The following DENND4C variants were observed in gnomAD, a reference collection of about 807,000 sequenced individuals.
DENND4C encodes the protein DENN domain containing 4C.
A neutral mutation model predicts 203.0 loss-of-function variants in DENND4C; 108 were observed. The observed-to-expected ratio is 0.53, with a 90% CI of 0.46 to 0.62. The LOEUF (loss-of-function observed/expected upper bound fraction) is 0.62. DENND4C is among the 20% of genes least tolerant of loss of function. DENND4C has a pLI of 0.00. For synonymous variants in DENND4C, 871 were observed against 792.4 expected (o/e 1.10, Z -1.67); for missense variants, 2,481 against 2,301.2 (o/e 1.08, Z -1.60).
At chr9:19,231,221 T>C (rs547768174) in intron 1 of DENND4C, among the ~76,000 whole-genome samples, 5 of 152,186 alleles carry the variant, frequency 3.3e-5, no homozygotes, top group Non-Finnish European at 7.4e-5. Context: ...GGATCGGGGC[T>C]TCCCAGAGGG....
intron 5 of DENND4C, among the ~76,000 whole-genome samples, chr9:19,293,577 G>A (rs1290883334): frequency 6.6e-6 from 1 of 152,228 alleles, no homozygotes; most frequent in Non-Finnish European, 1.5e-5. Flanking sequence ...GGTAAGGATT[G>A]ATTGCTGGGA....
At chr9:19,326,795 G>A (rs1466475936) in intron 15 of DENND4C, among the ~76,000 whole-genome samples, 1 of 152,054 alleles carries the variant, frequency 6.6e-6, no homozygotes, top group Non-Finnish European at 1.5e-5. Flanking sequence ...AGTTCATCAG[G>A]TAGATTCTCT....
intron 23 of DENND4C, among the ~76,000 whole-genome samples, chr9:19,349,305 A>T (rs1823578977): frequency 6.6e-6 from 1 of 152,110 alleles, no homozygotes; most frequent in South Asian, 2.1e-4. Flanking sequence ...CTACTCCAGA[A>T]GGTGAGGTGG....
At chr9:19,279,783 C>T (rs10757047) in intron 2 of DENND4C, among the ~76,000 whole-genome samples, 73,151 of 151,766 alleles carry the variant, frequency 0.48, 18,393 homozygotes, top group South Asian at 0.65. Flanking sequence ...GGAGTGGCTC[C>T]GATTGTGCCA....
At chr9:19,355,631 TC>T (rs1212618864) in intron 26 of DENND4C, among the ~76,000 whole-genome samples, 3 of 152,200 alleles carry the variant, frequency 2.0e-5, no homozygotes, top group Admixed American at 2.0e-4. Flanking sequence ...TTGCTGTTTT[TC>T]TTAATGCCAT....
chr9:19,372,204 G>T lies in DENND4C; in HGVS notation c.*31G>T. 6.3e-7 allele frequency: 1 copy of T among 1,582,970 alleles called. No individual in the cohort carries two copies. Among genetic ancestry groups the T allele is most frequent in the Non-Finnish European group, 8.6e-7 (1 of 1,165,962 alleles). Reference sequence around the variant, plus strand: ...GATTCACTAGAATGTTGACACACAAGGCTTGGGGATTAGATTTCATCTGGA... The same window carrying T: ...GATTCACTAGAATGTTGACACACAATGCTTGGGGATTAGATTTCATCTGGA... On this transcript the variant is annotated 3_prime_UTR_variant, in exon 33 of 33. Transcript: ENST00000434457.
In DENND4C at chr9:19,360,248, C is replaced by T; in HGVS notation, c.5165C>T (p.Pro1722Leu). ...TCTTTTTGTATTTTTTTTAAGGATC[C>T]TTTAGGAAAAAGACCCAATCCTCCC... ...LPNSLQEVVD[P>L]LGKRPNPPPV... Residue 1722 changes from proline (P) to leucine (L), a missense_variant, in exon 29 of 33, where the codon CCT (proline) becomes CTT (leucine). Pro to Leu is a moderately conservative substitution (Grantham distance 98). Transcript: ENST00000434457. 6.2e-7 allele frequency: 1 copy of T among 1,610,634 alleles called. No individual in the cohort carries two copies. Among genetic ancestry groups the T allele is most frequent in the Non-Finnish European group, 8.5e-7 (1 of 1,179,044 alleles).
rs201975061 is a variant in DENND4C, at chr9:19,319,164, C to CA, written c.1807+2336dup. Among the ~76,000 whole-genome samples the CA allele has an allele frequency of 3.2e-3, 390 of 121,658 alleles. 2 individuals carry two copies. The highest frequency in any genetic ancestry group is 0.015 in the East Asian group (64 of 4,332). 79.8% of individuals were successfully genotyped at this position (121,658 alleles called of 152,430 possible). ...GGGCAACAAGAGTGAAACTTCATCT[C>CA]AAAAAAAAAAATATATGTATATATA... On this transcript the variant is annotated intron_variant, in intron 12 of 32. Transcript: ENST00000434457.
Position 19,346,364 on chromosome 9 carries a change from A to T in DENND4C, c.3595A>T (p.Thr1199Ser). Reference sequence around the variant, plus strand: ...TGTGGTTGATGACGTACCTAAAACTACTGCAACAGTAGATACATATGAGAG... The same window carrying T: ...TGTGGTTGATGACGTACCTAAAACTTCTGCAACAGTAGATACATATGAGAG... ...EPVVDDVPKT[T>S]ATVDTYESLL... is the part of the protein sequence containing the mutation. Residue 1199 changes from threonine to serine, a missense_variant, in exon 23 of 33, where the codon ACT becomes TCT. Thr to Ser is a moderately conservative substitution (Grantham distance 58). Coordinates refer to ENST00000434457, the MANE Select transcript of DENND4C (RefSeq NM_001330640.2). The T allele has an allele frequency of 1.9e-6, 3 of 1,614,172 alleles. No homozygotes were observed. Among genetic ancestry groups the T allele is most frequent in the Non-Finnish European group, 2.5e-6 (3 of 1,180,022 alleles).
intron 10 of DENND4C, among the ~76,000 whole-genome samples, chr9:19,314,156 C>G (rs10757053): frequency 0.5 from 75,219 of 151,784 alleles, 19,385 homozygotes; most frequent in South Asian, 0.61. Flanking sequence ...GGTTGAGGAA[C>G]AAAAGACTAC....
chr9:19,253,789 T>A (rs1827246104), intron 1 of DENND4C, among the ~76,000 whole-genome samples: 1 of 152,162 alleles, frequency 6.6e-6, no homozygotes, highest in Non-Finnish European at 1.5e-5. Context: ...AGTCTTGTAA[T>A]TGAAGTTAAT....
At chr9:19,301,513 G>A (rs1838573042) in intron 9 of DENND4C, among the ~76,000 whole-genome samples, 1 of 152,206 alleles carries the variant, frequency 6.6e-6, no homozygotes, top group African/African-American at 2.4e-5. Flanking sequence ...GAAAACAATA[G>A]TAACCATATG....
In DENND4C at chr9:19,328,035, A is replaced by G. The variant is rs374351289; in HGVS notation, c.2126A>G (p.Lys709Arg). The G allele has an allele frequency of 3.9e-5, 62 of 1,591,118 alleles. No individual in the cohort carries two copies. Among genetic ancestry groups the G allele is most frequent in the African/African-American group, 2.5e-4 (18 of 73,194 alleles). The stretch of plus-strand genomic sequence containing the variant: ...TATTTTTTTTTTTATTTTAGTTACA[A>G]ATACTTTCCAAGACTGGACCTTAAG... ...GKDLSPKYSYKYFPRLDLKLF... is the reference protein window; with the variant it reads ...GKDLSPKYSYRYFPRLDLKLF... The change falls in exon 16 of 33, where the codon AAA becomes AGA. Residue 709 changes from lysine to arginine, a missense_variant. By Grantham distance (26) the Lys-to-Arg change is conservative (BLOSUM62 2). Around this residue, in one of 3 missense-constraint regions of DENND4C, gnomAD observed 2,289 missense variants for 2,113.3 expected, o/e 1.08. Coordinates refer to ENST00000434457, the MANE Select transcript of DENND4C (RefSeq NM_001330640.2).
Position 19,341,025 on chromosome 9 carries a change from A to G in DENND4C, c.2915A>G (p.Asp972Gly), listed in dbSNP as rs370983872. 27 of 1,612,976 alleles carry G rather than the reference A, an allele frequency of 1.7e-5. No individual in the cohort carries two copies. Among genetic ancestry groups the G allele is most frequent in the Non-Finnish European group, 1.9e-5 (22 of 1,179,550 alleles). Residue 972 changes from aspartate to glycine, a missense_variant, in exon 21 of 33, where the codon GAT becomes GGT. Physicochemically the swap from Asp to Gly is moderately conservative, Grantham distance 94. Transcript: ENST00000434457. ...GQSDQGYGSKDELIKDDAEIH... is the reference protein window; with the variant it reads ...GQSDQGYGSKGELIKDDAEIH... The stretch of plus-strand genomic sequence containing the variant: ...TCTGACCAAGGATACGGGTCTAAGG[A>G]TGAACTTATAAAGGATGATGCAGAA...
At chr9:19,326,226 A>C (rs1396071803) in intron 15 of DENND4C, 32 bp downstream of exon 15, 1 of 1,581,812 alleles carries the variant, frequency 6.3e-7, no homozygotes, top group East Asian at 2.2e-5. Context: ...GCTTAATGGC[A>C]CAGCCTATCA....
chr9:19,368,880 G>C (rs1275554696), intron 30 of DENND4C, among the ~76,000 whole-genome samples: 2 of 152,160 alleles, frequency 1.3e-5, no homozygotes, highest in African/African-American at 4.8e-5. Context: ...GCTAGACATG[G>C]TTGGCTCATG....
intron 9 of DENND4C, 69 bp from the exon 10 acceptor site, chr9:19,305,283 T>C (rs1839434633): frequency 7.3e-7 from 1 of 1,365,930 alleles, no homozygotes. Flanking sequence ...TTTTCAGTAA[T>C]ACTAGTTACT....
chr9:19,317,184 T>TC (rs1329560575), intron 12 of DENND4C, among the ~76,000 whole-genome samples: 29 of 142,614 alleles, frequency 2.0e-4, no homozygotes, highest in Non-Finnish European at 6.0e-5. Context: ...TTGTACACTT[T>TC]TTTTTTTTTT....
chr9:19,316,555 T>C lies in DENND4C; in HGVS notation c.1588+38T>C, dbSNP rs774523012. 6 of 1,592,140 alleles carry C rather than the reference T, an allele frequency of 3.8e-6. No homozygotes were observed. The East Asian group carries it at 1.3e-4, about 36-fold the overall frequency. On this transcript the variant is annotated intron_variant, in intron 11 of 32. Coordinates refer to ENST00000434457, the MANE Select transcript of DENND4C (RefSeq NM_001330640.2). ...AAAAGGAATATTATTAATGAAGGAA[T>C]GTATACGAGAAAATTCTTCTTAAAT...
Sources: gnomAD v4.1 joint callset for allele counts (sites outside exome capture counted in the v4.1 genomes callset) on GRCh38, gnomAD v4.1.1 for gene constraint, gnomAD v4.1.1 regional missense constraint, MANE v1.5 for transcripts, NCBI Gene and HGNC (gene_info 2026-07-23, HGNC 2026-07-21) for gene names.